CNTNAP2: variants seen among roughly 807,000 people sequenced by gnomAD.
CNTNAP2 encodes contactin-associated protein-like 2.
Under a neutral mutation model 155.2 loss-of-function variants are expected in CNTNAP2, and 98 were observed. That is an observed-to-expected ratio of 0.63 (90% CI 0.54 to 0.75). The LOEUF is 0.75. CNTNAP2 is among the 30% of genes least tolerant of loss of function. The pLI is 0.00. For missense variants in CNTNAP2, 1,727 were observed against 1,688.1 expected (o/e 1.02, Z -0.40); for synonymous variants, 651 against 631.2 (o/e 1.03, Z -0.47).
At chr7:146,629,348 C>A (rs1448815801) in intron 1 of CNTNAP2, among the ~76,000 whole-genome samples, 1 of 152,018 alleles carries the variant, frequency 6.6e-6, no homozygotes, top group Admixed American at 6.6e-5. Context: ...AATAATAACC[C>A]TTCTAAAACT....
chr7:146,437,218 A>G (rs1419005243), intron 1 of CNTNAP2, among the ~76,000 whole-genome samples: 8 of 151,544 alleles, frequency 5.3e-5, no homozygotes, highest in Middle Eastern at 3.4e-3. Context: ...GAACACTTTC[A>G]TCCTGAAACC....
chr7:147,033,154 A>ATATATG, intron 3 of CNTNAP2, among the ~76,000 whole-genome samples: 3 of 71,624 alleles, frequency 4.2e-5, no homozygotes, highest in Admixed American at 2.8e-4. Flanking sequence ...CTGCATATAT[A>ATATATG]TATATGTATA....
At chr7:146,664,222 C>CG (rs2129166664) in intron 1 of CNTNAP2, among the ~76,000 whole-genome samples, 1 of 130,848 alleles carries the variant, frequency 7.6e-6, no homozygotes, top group Non-Finnish European at 1.5e-5. Context: ...TGTGCAGTGG[C>CG]ATGATCTCGG....
chr7:148,348,161 G>A (rs779739013), intron 21 of CNTNAP2, among the ~76,000 whole-genome samples: 50 of 152,162 alleles, frequency 3.3e-4, no homozygotes, highest in Non-Finnish European at 6.5e-4. Context: ...CTCTGCTCCC[G>A]GCCACCCATC....
At chr7:146,230,415 C>T (rs1432359237) in intron 1 of CNTNAP2, among the ~76,000 whole-genome samples, 2 of 152,286 alleles carry the variant, frequency 1.3e-5, no homozygotes, top group South Asian at 4.1e-4. Context: ...ATACAAAATG[C>T]TAGACACTAT....
intron 1 of CNTNAP2, among the ~76,000 whole-genome samples, chr7:146,681,612 G>A (rs1800505915): frequency 8.6e-6 from 1 of 116,798 alleles, no homozygotes; most frequent in Non-Finnish European, 1.9e-5. Flanking sequence ...TGGGAAAGGG[G>A]AGAGTGGGAG....
intron 1 of CNTNAP2, among the ~76,000 whole-genome samples, chr7:146,557,346 C>T (rs771357678): frequency 7.2e-5 from 11 of 151,982 alleles, no homozygotes; most frequent in East Asian, 1.9e-4. Context: ...TATTATAAAC[C>T]GCTAATGATC....
chr7:147,039,993 G>T (rs1050261260), intron 3 of CNTNAP2, among the ~76,000 whole-genome samples: 1 of 152,142 alleles, frequency 6.6e-6, no homozygotes, highest in Non-Finnish European at 1.5e-5. Flanking sequence ...CACAGCAAAA[G>T]AAGCTGTCAA....
At chr7:146,926,829 C>T (rs1796619504) in intron 3 of CNTNAP2, among the ~76,000 whole-genome samples, 1 of 152,026 alleles carries the variant, frequency 6.6e-6, no homozygotes, top group South Asian at 2.1e-4. Flanking sequence ...ATATGGAAAT[C>T]ACTTTTCTTG....
intron 3 of CNTNAP2, among the ~76,000 whole-genome samples, chr7:146,959,206 G>A (rs1797503253): frequency 1.3e-5 from 2 of 151,918 alleles, no homozygotes; most frequent in African/African-American, 4.8e-5. Flanking sequence ...TTTTAGTACA[G>A]ACAGCGTTTC....
intron 1 of CNTNAP2, among the ~76,000 whole-genome samples, chr7:146,483,030 A>T (rs1417055039): frequency 6.6e-6 from 1 of 151,270 alleles, no homozygotes; most frequent in Non-Finnish European, 1.5e-5. Context: ...TAATCCCAGC[A>T]CTTTGGGAGG....
chr7:148,005,955 T>C (rs1483070295), intron 15 of CNTNAP2, among the ~76,000 whole-genome samples: 1 of 152,198 alleles, frequency 6.6e-6, no homozygotes, highest in East Asian at 1.9e-4. Flanking sequence ...AGTCCCTGCT[T>C]TCAATAGAGT....
chr7:146,179,561 T>C (rs1798521358), intron 1 of CNTNAP2, among the ~76,000 whole-genome samples: 1 of 152,034 alleles, frequency 6.6e-6, no homozygotes, highest in African/African-American at 2.4e-5. Context: ...AAATAGCATG[T>C]TTTTCGAGAA....
intron 13 of CNTNAP2, among the ~76,000 whole-genome samples, chr7:147,864,341 T>C (rs1161782800): frequency 6.6e-6 from 1 of 152,184 alleles, no homozygotes; most frequent in African/African-American, 2.4e-5. Context: ...CCTTGTAGTA[T>C]AGTTTGAAGT....
intron 8 of CNTNAP2, among the ~76,000 whole-genome samples, chr7:147,239,568 CTTAAAG>C (rs1225266071): frequency 6.7e-6 from 1 of 149,890 alleles, no homozygotes; most frequent in African/African-American, 2.5e-5. Flanking sequence ...TGCATACATA[CTTAAAG>C]TTAATAACCA....
intron 5 of CNTNAP2, among the ~76,000 whole-genome samples, chr7:147,113,117 A>T (rs1800915885): frequency 6.6e-6 from 1 of 151,952 alleles, no homozygotes; most frequent in South Asian, 2.1e-4. Context: ...CAGTCTTGGG[A>T]GGGTGCATGT....
At chr7:147,011,873 G>A (rs960244610) in intron 3 of CNTNAP2, among the ~76,000 whole-genome samples, 3 of 152,168 alleles carry the variant, frequency 2.0e-5, no homozygotes, top group Non-Finnish European at 2.9e-5. Flanking sequence ...AAGGAACACC[G>A]CATAGAGAGG....
chr7:148,223,533 G>A (rs143441724), intron 19 of CNTNAP2, among the ~76,000 whole-genome samples: 2 of 152,168 alleles, frequency 1.3e-5, no homozygotes, highest in African/African-American at 4.8e-5. Flanking sequence ...ACACAGAAGT[G>A]AAGCACCTCA....
intron 8 of CNTNAP2, among the ~76,000 whole-genome samples, chr7:147,290,683 CAA>C (rs71182191): frequency 1.6e-3 from 119 of 73,296 alleles, no homozygotes; most frequent in African/African-American, 5.7e-3. Context: ...ACTCCATCTC[CAA>C]AAAAAAAAAA....
Sources: gnomAD v4.1 joint callset for allele counts (sites outside exome capture counted in the v4.1 genomes callset) on GRCh38, gnomAD v4.1.1 for gene constraint, MANE v1.5 for transcripts, NCBI Gene and HGNC (gene_info 2026-07-23, HGNC 2026-07-21) for gene names.